SLC9A9: variants seen among roughly 807,000 people sequenced by gnomAD.
SLC9A9 encodes the protein solute carrier family 9 member A9, also known as sodium/hydrogen exchanger 9.
SLC9A9 carries 62 observed loss-of-function variants against 77.8 expected under a neutral mutation model. The observed-to-expected ratio is 0.80, with a 90% CI of 0.65 to 0.98. SLC9A9 has a LOEUF of 0.98. Among genes scored for constraint, SLC9A9 ranks in the 50% least tolerant of loss-of-function variants. SLC9A9 has a pLI of 0.00. For missense variants in SLC9A9, 775 were observed against 774.9 expected, an observed-to-expected ratio of 1.00 and a Z score of 0.00; for synonymous variants, 320 against 283.5, an observed-to-expected ratio of 1.13 and a Z score of -1.29.
At chr3:143,473,945 G>A (rs754690613) in intron 11 of SLC9A9, among the ~76,000 whole-genome samples, 1 of 152,172 alleles carries the variant, frequency 6.6e-6, no homozygotes, top group African/African-American at 2.4e-5. Flanking sequence ...GGTGTTTCTA[G>A]GTTGATTATG....
intron 14 of SLC9A9, among the ~76,000 whole-genome samples, chr3:143,310,347 T>C (rs1352117274): frequency 6.6e-6 from 1 of 152,178 alleles, no homozygotes; most frequent in African/African-American, 2.4e-5. Context: ...CAGTTTCCAG[T>C]GCACACTTTC....
At chr3:143,339,164 G>A (rs1048600781) in intron 14 of SLC9A9, among the ~76,000 whole-genome samples, 1 of 152,188 alleles carries the variant, frequency 6.6e-6, no homozygotes, top group African/African-American at 2.4e-5. Context: ...ACCAATGGTG[G>A]CAATCAACAT....
At chr3:143,673,414 G>A (rs2039189938) in intron 5 of SLC9A9, among the ~76,000 whole-genome samples, 1 of 152,076 alleles carries the variant, frequency 6.6e-6, no homozygotes, top group Non-Finnish European at 1.5e-5. Flanking sequence ...AGGTATAGAT[G>A]GTGACTTAGG....
chr3:143,494,574 C>T (rs182487111), intron 10 of SLC9A9, among the ~76,000 whole-genome samples: 37 of 152,308 alleles, frequency 2.4e-4, no homozygotes, highest in East Asian at 3.9e-4. Flanking sequence ...GCTGGCTGTT[C>T]GGATTATCTG....
chr3:143,345,213 T>A (rs1170607738), intron 14 of SLC9A9, among the ~76,000 whole-genome samples: 1 of 152,234 alleles, frequency 6.6e-6, no homozygotes, highest in Non-Finnish European at 1.5e-5. Flanking sequence ...TTCCATGTTA[T>A]TGTAATCCAA....
intron 3 of SLC9A9, among the ~76,000 whole-genome samples, 164 bp from the exon 4 acceptor site, chr3:143,795,241 A>T (rs2008346558): frequency 6.8e-6 from 1 of 146,256 alleles, no homozygotes; most frequent in Non-Finnish European, 1.5e-5. Flanking sequence ...GACTTAACTG[A>T]TTATCATTGC....
intron 6 of SLC9A9, among the ~76,000 whole-genome samples, chr3:143,606,180 G>A (rs958186922): frequency 1.3e-5 from 2 of 151,818 alleles, no homozygotes; most frequent in Non-Finnish European, 2.9e-5. Flanking sequence ...TGAGGTGGGT[G>A]GACCACCTGA....
At chr3:143,348,544 CAGAGGGCT>C (rs2032363170) in intron 14 of SLC9A9, among the ~76,000 whole-genome samples, 1 of 152,136 alleles carries the variant, frequency 6.6e-6, no homozygotes, top group South Asian at 2.1e-4. Context: ...AAGTGTAAAA[CAGAGGGCT>C]AGGCATCTCT....
At chr3:143,664,801 T>C (rs564940597) in intron 5 of SLC9A9, among the ~76,000 whole-genome samples, 1 of 152,342 alleles carries the variant, frequency 6.6e-6, no homozygotes, top group Non-Finnish European at 1.5e-5. Context: ...TAAACATATA[T>C]GCACCCAATA....
intron 14 of SLC9A9, among the ~76,000 whole-genome samples, chr3:143,360,866 G>C (rs911300786): frequency 2.6e-5 from 4 of 152,176 alleles, no homozygotes; most frequent in African/African-American, 9.7e-5. Context: ...AGGTGTCATT[G>C]TTGACATCTA....
Position 143,848,402 on chromosome 3 carries a change from T to G in SLC9A9, c.-80A>C. 5 of 1,583,012 alleles carry G rather than the reference T, an allele frequency of 3.2e-6. No individual in the cohort carries two copies. The highest frequency in any genetic ancestry group is 4.3e-6 in the Non-Finnish European group (5 of 1,153,440). ...CAAGATTTGCCTAAGACAGTCTGAC[T>G]GCCTGAGAATTTCAGAAGAAACACT... On this transcript the variant is annotated 5_prime_UTR_variant, in exon 1 of 16. Transcript: ENST00000316549.
At chr3:143,527,434 T>C (rs1009401393) in intron 9 of SLC9A9, among the ~76,000 whole-genome samples, 14 of 152,230 alleles carry the variant, frequency 9.2e-5, no homozygotes, top group Non-Finnish European at 1.8e-4. Context: ...AGCACAAGGT[T>C]GAAGGAACTT....
intron 12 of SLC9A9, among the ~76,000 whole-genome samples, chr3:143,446,036 G>C (rs928149666): frequency 2.6e-5 from 4 of 152,086 alleles, no homozygotes; most frequent in Non-Finnish European, 1.5e-5. Flanking sequence ...GGATTTTGCT[G>C]TAAAGGACAG....
In SLC9A9 at chr3:143,266,290, A is replaced by T. The variant is rs1181021725; in HGVS notation, c.*412T>A. On this transcript the variant is annotated 3_prime_UTR_variant, in exon 16 of 16. Coordinates refer to ENST00000316549, the MANE Select transcript of SLC9A9 (RefSeq NM_173653.4). ...CCTTCAGCTTAGGAGCAAAATGTTT[A>T]CTCTCAGAAGCTTTCTTTTATTTTT... 5 of 588,416 alleles carry T rather than the reference A, an allele frequency of 8.5e-6. No individual in the cohort carries two copies. Among genetic ancestry groups the T allele is most frequent in the African/African-American group, 7.5e-5 (4 of 53,530 alleles). 36.4% of individuals were successfully genotyped at this position (588,416 alleles called of 1,614,324 possible).
rs1338003016 is a variant in SLC9A9, at chr3:143,771,570, G to T, written c.533+23431C>A. The stretch of plus-strand genomic sequence containing the variant: ...CTCAAGCTCAAGTACAGCTAAAGAC[G>T]CTGAATGGGGATTTATTCTCTACAT... On this transcript the variant is annotated intron_variant, in intron 4 of 15. Transcript: ENST00000316549. 3.3e-5 allele frequency among the ~76,000 whole-genome samples: 5 copies of T among 152,170 alleles called. No homozygotes were observed. The East Asian group carries it at 9.6e-4, about 29-fold the overall frequency.
At chr3:143,590,303 C>T (rs917048258) in intron 6 of SLC9A9, among the ~76,000 whole-genome samples, 15 of 152,120 alleles carry the variant, frequency 9.9e-5, no homozygotes, top group Non-Finnish European at 1.9e-4. Flanking sequence ...AAAATGTTAC[C>T]TACAACATGG....
intron 6 of SLC9A9, among the ~76,000 whole-genome samples, chr3:143,593,256 C>T (rs1266330363): frequency 6.6e-6 from 1 of 152,142 alleles, no homozygotes; most frequent in African/African-American, 2.4e-5. Context: ...CTTTTTGATG[C>T]TTTCCCTCTA....
intron 5 of SLC9A9, among the ~76,000 whole-genome samples, chr3:143,678,992 G>A (rs1334732789): frequency 2.7e-5 from 4 of 149,470 alleles, no homozygotes; most frequent in African/African-American, 9.8e-5. Context: ...TCCCCAGGGA[G>A]AAGGAGCACT....
intron 12 of SLC9A9, among the ~76,000 whole-genome samples, chr3:143,441,407 T>A (rs966214938): frequency 6.6e-6 from 1 of 152,140 alleles, no homozygotes; most frequent in African/African-American, 2.4e-5. Context: ...AGATAAACAC[T>A]TTTAACACAA....
Sources: allele counts gnomAD v4.1 joint callset (sites outside exome capture counted in the v4.1 genomes callset), GRCh38; gene constraint gnomAD v4.1.1; transcripts MANE v1.5; gene names NCBI Gene and HGNC (gene_info 2026-07-23, HGNC 2026-07-21).